The following HOXA6 variants were observed in gnomAD, a reference collection of about 807,000 sequenced individuals.
The protein encoded by HOXA6 is homeobox protein Hox-A6.
Under a neutral mutation model 23.2 loss-of-function variants are expected in HOXA6, and 19 were observed. The ratio of observed to expected loss-of-function variants is 0.82; its 90% CI spans 0.57 to 1.20. The LOEUF (loss-of-function observed/expected upper bound fraction) is 1.20, where lower values mean the gene tolerates loss of function less well. Among genes scored for constraint, HOXA6 ranks in the 50% most tolerant of loss-of-function variants. HOXA6 has a pLI of 0.00. For missense variants in HOXA6, 346 were observed against 313.6 expected (o/e 1.10, Z -0.78); for synonymous variants, 140 against 132.6 (o/e 1.06, Z -0.38).
chr7:27,147,718 G>C lies in HOXA6; in HGVS notation c.32C>G (p.Pro11Arg), dbSNP rs1395124137. 6.2e-7 allele frequency: 1 copy of C among 1,611,008 alleles called. No individual in the cohort carries two copies. Among genetic ancestry groups the C allele is most frequent in the South Asian group, 1.1e-5 (1 of 91,068 alleles). MSSYFVNPTF[P>R]GSLPSGQDSF... ...GTCCTGGCCGCTGGGAAGGCTCCCGGGGAAAGTGGGATTCACAAAATAGGA... is the reference window on the plus strand; with the variant it reads ...GTCCTGGCCGCTGGGAAGGCTCCCGCGGAAAGTGGGATTCACAAAATAGGA... Residue 11 changes from proline to arginine, a missense_variant, in exon 1 of 2, where the codon CCC becomes CGC. Transcript: ENST00000222728.
At position 27,145,774 on chromosome 7, in the gene HOXA6, C is replaced by T. The variant is rs1782737717; in HGVS notation, c.586G>A (p.Glu196Lys). ...TGGAACCAGATCTTGATCTGGCGCTCGGTGAGGCAGAGCGCGTTGGCGATC... is the reference window on the plus strand; with the variant it reads ...TGGAACCAGATCTTGATCTGGCGCTTGGTGAGGCAGAGCGCGTTGGCGATC... ...IEIANALCLTERQIKIWFQNR... is the reference protein window; with the variant it reads ...IEIANALCLTKRQIKIWFQNR... The change falls in exon 2 of 2, where the codon GAG (glutamate) becomes AAG (lysine). Residue 196 changes from glutamate (E) to lysine (K), a missense_variant. Glu to Lys is a moderately conservative substitution (Grantham distance 56). Coordinates refer to ENST00000222728, the MANE Select transcript of HOXA6 (RefSeq NM_024014.4). 3 of 1,614,196 alleles carry T rather than the reference C, an allele frequency of 1.9e-6. No homozygotes were observed. Among genetic ancestry groups the T allele is most frequent in the Non-Finnish European group, 2.5e-6 (3 of 1,180,028 alleles).
chr7:27,145,621 G>A lies in HOXA6; in HGVS notation c.*37C>T. ...GCGAGGGCAAGGGGGCAAAGCCGAAGGAGGTTGCAGCGCTGGCCTGGTCCC... is the reference window on the plus strand; with the variant it reads ...GCGAGGGCAAGGGGGCAAAGCCGAAAGAGGTTGCAGCGCTGGCCTGGTCCC... On this transcript the variant is annotated 3_prime_UTR_variant, in exon 2 of 2. Coordinates refer to ENST00000222728, the MANE Select transcript of HOXA6 (RefSeq NM_024014.4). The A allele has an allele frequency of 6.3e-7, 1 of 1,593,358 alleles. No individual in the cohort carries two copies. Among genetic ancestry groups the A allele is most frequent in the African/African-American group, 1.3e-5 (1 of 74,606 alleles).
At position 27,147,344 on chromosome 7, in the gene HOXA6, C is replaced by G. The variant is rs749585006; in HGVS notation, c.406G>C (p.Val136Leu). Residue 136 changes from valine (V) to leucine (L), a missense_variant, in exon 1 of 2, where the codon GTT becomes CTT. Coordinates refer to ENST00000222728, the MANE Select transcript of HOXA6 (RefSeq NM_024014.4). ...EGADRKYTSPVYPWMQRMNSC... is the reference protein window; with the variant it reads ...EGADRKYTSPLYPWMQRMNSC... The stretch of plus-strand genomic sequence containing the variant: ...TTCATCCGCTGCATCCAAGGGTAAA[C>G]CGGGCTCGTGTACTTCCGGTCGGCG... The G allele has an allele frequency of 1.1e-5, 17 of 1,614,080 alleles. No homozygotes were observed. In the South Asian group the frequency reaches 1.1e-4, roughly 10 times the overall value.
chr7:27,147,061 C>G (rs1485780360), intron 1 of HOXA6: 38 of 563,012 alleles, frequency 6.7e-5, no homozygotes, highest in Non-Finnish European at 1.2e-4. Context: ...CATATACGTG[C>G]CAGTGCCCCC....
Position 27,147,313 on chromosome 7 carries a change from C to T in HOXA6, c.437G>A (p.Cys146Tyr). The T allele has an allele frequency of 6.2e-7, 1 of 1,613,408 alleles. No individual in the cohort carries two copies. Among genetic ancestry groups the T allele is most frequent in the Non-Finnish European group, 8.5e-7 (1 of 1,179,728 alleles). ...TGTCTTGGGATATGTCTTACCCGCG[C>T]AGGAGTTCATCCGCTGCATCCAAGG... Reference protein sequence around the residue: ...VYPWMQRMNSCAGAVYGSHGR... With the variant: ...VYPWMQRMNSYAGAVYGSHGR... The change falls in exon 1 of 2, where the codon TGC becomes TAC. Residue 146 changes from cysteine to tyrosine, a missense_variant. By Grantham distance (194) the Cys-to-Tyr change is radical. Coordinates refer to ENST00000222728, the MANE Select transcript of HOXA6 (RefSeq NM_024014.4).
In HOXA6 at chr7:27,145,447, GT is replaced by G. The variant is rs59216850; in HGVS notation, c.*210del. 0.68 allele frequency: 353,800 copies of G among 517,828 alleles called. 112,114 individuals are homozygous for G. The highest frequency in any genetic ancestry group is 0.75 in the East Asian group (25,186 of 33,566). 32.1% of individuals were successfully genotyped at this position (517,828 alleles called of 1,614,324 possible). On this transcript the variant is annotated 3_prime_UTR_variant, in exon 2 of 2. Coordinates refer to ENST00000222728, the MANE Select transcript of HOXA6 (RefSeq NM_024014.4). ...ACCGCTGGTATTGGCTGTGTGTGAGGTTTTGTTTTGTTTTGTTTTGTTTTGT... is the reference window on the plus strand; with the variant it reads ...ACCGCTGGTATTGGCTGTGTGTGAGGTTTGTTTTGTTTTGTTTTGTTTTGT...
At position 27,147,295 on chromosome 7, in the gene HOXA6, G is replaced by C; in HGVS notation, c.442+13C>G. ...TTTCCCCTCTCCCTCCACTGTCTTG[G>C]GATATGTCTTACCCGCGCAGGAGTT... On this transcript the variant is annotated intron_variant, in intron 1 of 1. Transcript: ENST00000222728. The C allele has an allele frequency of 6.2e-7, 1 of 1,609,580 alleles. No homozygotes were observed. Among genetic ancestry groups the C allele is most frequent in the East Asian group, 2.2e-5 (1 of 44,812 alleles).
rs1168519131 is a variant in HOXA6 at position 27,147,235 on chromosome 7, C to G, written c.442+73G>C. The G allele has an allele frequency of 2.9e-6, 4 of 1,367,072 alleles. No homozygotes were observed. In the African/African-American group the frequency reaches 5.8e-5, roughly 20 times the overall value. The allele number at this position is 1,367,072 out of a possible 1,614,324, so 84.7% of individuals were successfully genotyped here. A position where few individuals can be genotyped will look rare whatever the true frequency, so the allele number is the denominator to read the frequency against. On this transcript the variant is annotated intron_variant, in intron 1 of 1. Coordinates refer to ENST00000222728, the MANE Select transcript of HOXA6 (RefSeq NM_024014.4). ...CTTTCTCTCTATTCCTCTTTCTACT[C>G]TGTTTCCTCCTTCTTTCTTTCTTTT...
chr7:27,146,236 GGTGTGTGTGTGTGTTTGT>G (rs1782761056), intron 1 of HOXA6, among the ~76,000 whole-genome samples: 1 of 113,642 alleles, frequency 8.8e-6, no homozygotes, highest in South Asian at 3.6e-4. Flanking sequence ...GGGGATGCAG[GGTGTGTGTGTGTGTTTGT>G]GTGTGTGTGT....
chr7:27,146,516 C>T (rs200695354), intron 1 of HOXA6, among the ~76,000 whole-genome samples: 116 of 152,228 alleles, frequency 7.6e-4, no homozygotes, highest in African/African-American at 2.7e-3. Flanking sequence ...TTTAACAATC[C>T]GCATTAGGCT....
rs776113892 is a variant in HOXA6 at position 27,147,687 on chromosome 7, G to A, written c.63C>T (p.Phe21=). 2 of 1,613,788 alleles carry A rather than the reference G, an allele frequency of 1.2e-6. No individual in the cohort carries two copies. The highest frequency in any genetic ancestry group is 1.7e-6 in the Non-Finnish European group (2 of 1,179,994). ...PGSLPSGQDS[F]LGQLPLYQAG... ...CCTGGTAGAGGGGCAGCTGGCCCAA[G>A]AAGGAGTCCTGGCCGCTGGGAAGGC... is the stretch of plus-strand genomic sequence containing the variant. Residue 21 remains phenylalanine, a synonymous_variant, in exon 1 of 2, where the codon TTC becomes TTT. Transcript: ENST00000222728.
intron 1 of HOXA6, among the ~76,000 whole-genome samples, chr7:27,146,251 T>TGTGTG (rs1782763250): frequency 2.0e-5 from 3 of 149,012 alleles, no homozygotes; most frequent in Admixed American, 6.7e-5. Flanking sequence ...GTGTGTGTGT[T>TGTGTG]TGTGTGTGTG....
chr7:27,147,657 G>A lies in HOXA6; in HGVS notation c.93C>T (p.Gly31=), dbSNP rs1782824183. The A allele has an allele frequency of 6.2e-7, 1 of 1,614,086 alleles. No individual in the cohort carries two copies. The highest frequency in any genetic ancestry group is 1.7e-5 in the Admixed American group (1 of 60,014). The part of the protein sequence containing the change: ...FLGQLPLYQA[G]YDALRPFPAS... ...CCGGGAAGGGCCTCAGCGCGTCATA[G>A]CCAGCCTGGTAGAGGGGCAGCTGGC... The change falls in exon 1 of 2, where the codon GGC becomes GGT. Residue 31 remains glycine (G), a synonymous_variant. Coordinates refer to ENST00000222728, the MANE Select transcript of HOXA6 (RefSeq NM_024014.4).
Position 27,145,517 on chromosome 7 carries a change from C to T in HOXA6, c.*141G>A. ...GTTTTGTAAGAAATAAATGCACAGA[C>T]GCTTGCAAAGCTCCGGGCTCCCCTG... On this transcript the variant is annotated 3_prime_UTR_variant, in exon 2 of 2. Transcript: ENST00000222728. The T allele has an allele frequency of 3.1e-6, 3 of 960,366 alleles. No individual in the cohort carries two copies. The highest frequency in any genetic ancestry group is 4.7e-6 in the Non-Finnish European group (3 of 641,006). 59.5% of individuals were successfully genotyped at this position (960,366 alleles called of 1,614,324 possible).
At chr7:27,146,045 T>A in intron 1 of HOXA6, 128 bp from the exon 2 acceptor site, 1 of 1,082,626 alleles carries the variant, frequency 9.2e-7, no homozygotes, top group Non-Finnish European at 1.3e-6. Flanking sequence ...TCTCCCACTA[T>A]GTCTGGGGCC....
In HOXA6 at chr7:27,147,373, T is replaced by C. The variant is rs1279856459; in HGVS notation, c.377A>G (p.Glu126Gly). 1 of 1,614,080 alleles carries C rather than the reference T, an allele frequency of 6.2e-7. No homozygotes were observed. Among genetic ancestry groups the C allele is most frequent in the Non-Finnish European group, 8.5e-7 (1 of 1,180,044 alleles). ...GCTCGTGTACTTCCGGTCGGCGCCTTCGTCATGGAGTGCTTTGCCCTGCCC... is the reference window on the plus strand; with the variant it reads ...GCTCGTGTACTTCCGGTCGGCGCCTCCGTCATGGAGTGCTTTGCCCTGCCC... ...SSGQGKALHD[E>G]GADRKYTSPV... The change falls in exon 1 of 2, where the codon GAA (glutamate) becomes GGA (glycine). Residue 126 changes from glutamate to glycine, a missense_variant. By Grantham distance (98) the Glu-to-Gly change is moderately conservative. Coordinates refer to ENST00000222728, the MANE Select transcript of HOXA6 (RefSeq NM_024014.4).
intron 1 of HOXA6, among the ~76,000 whole-genome samples, chr7:27,146,411 T>G (rs949997203): frequency 2.0e-5 from 3 of 152,200 alleles, no homozygotes; most frequent in African/African-American, 7.2e-5. Flanking sequence ...TCAGCCCTCT[T>G]GAATCTTTAC....
intron 1 of HOXA6, among the ~76,000 whole-genome samples, chr7:27,146,671 C>T (rs1782778321): frequency 6.6e-6 from 1 of 152,050 alleles, no homozygotes. Flanking sequence ...CAAAGTTCCC[C>T]AAGGGTGGTG....
At chr7:27,145,962 G>T (rs1318801791) in intron 1 of HOXA6, 45 bp from the exon 2 acceptor site, 7 of 1,585,304 alleles carry the variant, frequency 4.4e-6, no homozygotes, top group Non-Finnish European at 6.0e-6. Context: ...GGGCCTGGAG[G>T]GTTGACCCAG....
Sources: gnomAD v4.1 joint callset for allele counts (sites outside exome capture counted in the v4.1 genomes callset) on GRCh38, gnomAD v4.1.1 for gene constraint, MANE v1.5 for transcripts, NCBI Gene and HGNC (gene_info 2026-07-23, HGNC 2026-07-21) for gene names.